Variants in ADAMTS12 observed in about 807,000 individuals in gnomAD.
ADAMTS12 encodes ADAM metallopeptidase with thrombospondin type 1 motif 12, also known as A disintegrin and metalloproteinase with thrombospondin motifs 12.
Under a neutral mutation model 167.8 loss-of-function variants are expected in ADAMTS12, and 118 were observed. The ratio of observed to expected loss-of-function variants is 0.70; its 90% CI spans 0.61 to 0.82. The LOEUF is 0.82. ADAMTS12 is among the 40% of genes least tolerant of loss of function. ADAMTS12 has a pLI of 0.00. For missense variants in ADAMTS12, 1,916 were observed against 1,998.8 expected (o/e 0.96, Z 0.79); for synonymous variants, 704 against 716.9 (o/e 0.98, Z 0.29).
At chr5:33,643,980 T>A (rs529579010) in intron 9 of ADAMTS12, among the ~76,000 whole-genome samples, 1 of 152,254 alleles carries the variant, frequency 6.6e-6, no homozygotes, top group Non-Finnish European at 1.5e-5. Context: ...GAGAGCTGCA[T>A]ATTCCTTCTT....
intron 16 of ADAMTS12, among the ~76,000 whole-genome samples, chr5:33,607,498 T>G (rs1738505699): frequency 6.6e-6 from 1 of 152,196 alleles, no homozygotes. Flanking sequence ...TCAGGCTCTT[T>G]TTTGGTTCCA....
At chr5:33,696,312 T>C (rs1742765932) in intron 3 of ADAMTS12, among the ~76,000 whole-genome samples, 1 of 150,198 alleles carries the variant, frequency 6.7e-6, no homozygotes, top group African/African-American at 2.5e-5. Context: ...TCCCAGCTAC[T>C]CGGGAGGCTG....
intron 14 of ADAMTS12, among the ~76,000 whole-genome samples, chr5:33,620,755 C>G (rs908347177): frequency 6.6e-6 from 1 of 152,094 alleles, no homozygotes; most frequent in African/African-American, 2.4e-5. Context: ...GCACTCATGG[C>G]ATACCTTTTT....
chr5:33,674,234 T>C lies in ADAMTS12; in HGVS notation c.915+8784A>G, dbSNP rs148610382. Among the ~76,000 whole-genome samples, 28 of 152,236 alleles carry C rather than the reference T, an allele frequency of 1.8e-4. No individual in the cohort carries two copies. The East Asian group carries it at 4.4e-3, about 24-fold the overall frequency. On this transcript the variant is annotated intron_variant, in intron 5 of 23. Coordinates refer to ENST00000504830, the MANE Select transcript of ADAMTS12 (RefSeq NM_030955.4). ...ACTAGGTGAATGGGAGGCTTTGTGG[T>C]AAGTTAACAAGAGGCAAGTTCTCCT...
At chr5:33,641,615 G>A (rs1353427993) in intron 11 of ADAMTS12, among the ~76,000 whole-genome samples, 195 bp downstream of exon 11, 3 of 152,150 alleles carry the variant, frequency 2.0e-5, no homozygotes, top group Non-Finnish European at 2.9e-5. Context: ...GTGCCAAGCC[G>A]AAATGAAACA....
chr5:33,818,186 C>T (rs148334585), intron 2 of ADAMTS12, among the ~76,000 whole-genome samples: 2 of 151,886 alleles, frequency 1.3e-5, no homozygotes, highest in African/African-American at 4.8e-5. Flanking sequence ...AATTTTAGTA[C>T]TCATGTTACA....
chr5:33,888,762 C>T (rs1341296312), intron 1 of ADAMTS12, among the ~76,000 whole-genome samples: 3 of 152,260 alleles, frequency 2.0e-5, no homozygotes, highest in Admixed American at 6.5e-5. Flanking sequence ...GTAGAAGACA[C>T]GCAGCATGTT....
chr5:33,881,096 G>A, intron 2 of ADAMTS12, 23 bp downstream of exon 2: 1 of 1,606,960 alleles, frequency 6.2e-7, no homozygotes, highest in South Asian at 1.1e-5. Context: ...GCAGAGGAAG[G>A]AGATGCCAGA....
At chr5:33,832,406 A>AT (rs1748335186) in intron 2 of ADAMTS12, among the ~76,000 whole-genome samples, 1 of 152,146 alleles carries the variant, frequency 6.6e-6, no homozygotes, top group South Asian at 2.1e-4. Flanking sequence ...GGAAAAAAAA[A>AT]CCCTTTGGAT....
chr5:33,677,726 T>C (rs561744724), intron 5 of ADAMTS12, among the ~76,000 whole-genome samples: 1 of 152,300 alleles, frequency 6.6e-6, no homozygotes, highest in East Asian at 1.9e-4. Context: ...CTGAACTCAC[T>C]GTCTGTTTTC....
intron 6 of ADAMTS12, among the ~76,000 whole-genome samples, chr5:33,659,453 AG>A (rs1211015193): frequency 6.6e-6 from 1 of 152,216 alleles, no homozygotes; most frequent in Non-Finnish European, 1.5e-5. Context: ...TCATTCAAAA[AG>A]TCCAGGTCTG....
intron 2 of ADAMTS12, among the ~76,000 whole-genome samples, chr5:33,866,672 A>G (rs62349859): frequency 0.12 from 17,707 of 152,052 alleles, 2,043 homozygotes; most frequent in African/African-American, 0.29. Context: ...CCACAGAATG[A>G]GAGACAATAT....
intron 2 of ADAMTS12, among the ~76,000 whole-genome samples, chr5:33,816,355 A>T (rs1041341014): frequency 3.9e-5 from 6 of 152,174 alleles, no homozygotes; most frequent in Non-Finnish European, 8.8e-5. Flanking sequence ...GAAATTTTGA[A>T]ATGTACAATA....
rs11442532 is a variant in ADAMTS12 at position 33,881,564 on chromosome 5, C to CTTT, written c.128-87_128-85dup. On this transcript the variant is annotated intron_variant, in intron 1 of 23. Transcript: ENST00000504830. ...CTTTCGTTTGGAACTTGAATGCTAGCTTTTTTTTTTTTTGGAAATGGAGTT... is the reference window on the plus strand; with the variant it reads ...CTTTCGTTTGGAACTTGAATGCTAGCTTTTTTTTTTTTTTTTGGAAATGGAGTT... 1.0e-4 allele frequency: 129 copies of CTTT among 1,254,468 alleles called. No individual in the cohort carries two copies. The African/African-American group carries it at 1.6e-3, about 15-fold the overall frequency. 77.7% of individuals were successfully genotyped at this position (1,254,468 alleles called of 1,614,324 possible).
At chr5:33,598,728 G>T (rs778148582) in intron 16 of ADAMTS12, among the ~76,000 whole-genome samples, 5 of 152,162 alleles carry the variant, frequency 3.3e-5, no homozygotes, top group African/African-American at 9.7e-5. Flanking sequence ...TATTGCCTTC[G>T]TGAGTGTGCA....
intron 17 of ADAMTS12, among the ~76,000 whole-genome samples, chr5:33,590,605 A>G (rs1392542872): frequency 1.3e-5 from 2 of 152,174 alleles, no homozygotes; most frequent in Non-Finnish European, 2.9e-5. Context: ...TGGCCATCCA[A>G]TCTCCAGAAC....
rs191604951 is a variant in ADAMTS12, at chr5:33,650,746, G to A, written c.1191-1049C>T. Reference sequence around the variant, plus strand: ...TCAGAAGCCTTTGTTTATAAGCCACGTTCTCAAGATCACCCAAAGACGTTT... The same window carrying A: ...TCAGAAGCCTTTGTTTATAAGCCACATTCTCAAGATCACCCAAAGACGTTT... On this transcript the variant is annotated intron_variant, in intron 7 of 23. Transcript: ENST00000504830. 1.3e-4 allele frequency among the ~76,000 whole-genome samples: 20 copies of A among 152,272 alleles called. 1 individual carries two copies. Among genetic ancestry groups the A allele is most frequent in the African/African-American group, 4.3e-4 (18 of 41,558 alleles).
chr5:33,717,975 G>A (rs1305961386), intron 3 of ADAMTS12, among the ~76,000 whole-genome samples: 2 of 152,180 alleles, frequency 1.3e-5, no homozygotes, highest in African/African-American at 4.8e-5. Context: ...TGTGTATTCT[G>A]TGTGTTCCCA....
intron 6 of ADAMTS12, among the ~76,000 whole-genome samples, chr5:33,659,749 T>A (rs1015004554): frequency 6.6e-6 from 1 of 152,314 alleles, no homozygotes; most frequent in Admixed American, 6.5e-5. Flanking sequence ...ACATTGGGTG[T>A]GTTTCATGCC....
Sources: gnomAD v4.1 joint callset for allele counts (sites outside exome capture counted in the v4.1 genomes callset) on GRCh38, gnomAD v4.1.1 for gene constraint, MANE v1.5 for transcripts, NCBI Gene and HGNC (gene_info 2026-07-23, HGNC 2026-07-21) for gene names.